The following KAZN variants were observed in gnomAD, a reference collection of about 807,000 sequenced individuals.
KAZN encodes kazrin, periplakin interacting protein.
KAZN carries 40 observed loss-of-function variants against 87.4 expected under a neutral mutation model. The observed-to-expected ratio is 0.46, with a 90% CI of 0.36 to 0.60. The LOEUF (loss-of-function observed/expected upper bound fraction) is 0.60, where lower values mean the gene tolerates loss of function less well. KAZN is among the 20% of genes least tolerant of loss of function. The pLI, the probability that KAZN is intolerant of heterozygous loss-of-function variation, is 0.00. For synonymous variants in KAZN, 466 were observed against 458.3 expected (o/e 1.02, Z -0.22); for missense variants, 898 against 1,073.9 (o/e 0.84, Z 2.29).
chr1:14,939,010 T>A (rs1038453741), intron 1 of KAZN, among the ~76,000 whole-genome samples: 1 of 152,254 alleles, frequency 6.6e-6, no homozygotes, highest in Non-Finnish European at 1.5e-5. Context: ...TCTCACTCAG[T>A]TGCCCAGGCT....
At chr1:14,396,784 C>T (rs1273547203) in intron 2 of KAZN, among the ~76,000 whole-genome samples, 1 of 152,194 alleles carries the variant, frequency 6.6e-6, no homozygotes, top group African/African-American at 2.4e-5. Context: ...TCAATTTAAG[C>T]CATGCAGCCT....
intron 2 of KAZN, among the ~76,000 whole-genome samples, chr1:14,980,550 C>T (rs1001829426): frequency 1.3e-5 from 2 of 152,150 alleles, no homozygotes; most frequent in Admixed American, 1.3e-4. Flanking sequence ...CCATCTGCAC[C>T]CCGACTCCTT....
chr1:14,127,631 A>AAGGATGTT (rs1644902986), intron 1 of KAZN, among the ~76,000 whole-genome samples: 1 of 151,970 alleles, frequency 6.6e-6, no homozygotes, highest in Non-Finnish European at 1.5e-5. Flanking sequence ...AACAGATAAC[A>AAGGATGTT]CTCTAAATAA....
intron 2 of KAZN, among the ~76,000 whole-genome samples, chr1:14,387,116 G>A (rs921665173): frequency 2.8e-4 from 43 of 152,010 alleles, no homozygotes; most frequent in African/African-American, 9.9e-4. Flanking sequence ...AGCTCCTGAG[G>A]CTTCTGCATT....
At chr1:14,794,391 A>G (rs1344310285) in intron 1 of KAZN, among the ~76,000 whole-genome samples, 1 of 152,182 alleles carries the variant, frequency 6.6e-6, no homozygotes, top group Non-Finnish European at 1.5e-5. Context: ...AACAGGCAAC[A>G]GATCTCTGGA....
At chr1:14,401,943 G>T (rs1663443952) in intron 2 of KAZN, among the ~76,000 whole-genome samples, 2 of 151,868 alleles carry the variant, frequency 1.3e-5, no homozygotes, top group Non-Finnish European at 1.5e-5. Flanking sequence ...GTTCAAAAGA[G>T]GTAAGAATGC....
intron 1 of KAZN, among the ~76,000 whole-genome samples, chr1:14,736,790 T>C (rs1179175276): frequency 1.3e-5 from 2 of 152,160 alleles, no homozygotes; most frequent in East Asian, 3.9e-4. Context: ...AAGTGCATTA[T>C]CCAGAATAGA....
chr1:13,951,614 TA>T (rs1393926134), intron 1 of KAZN, among the ~76,000 whole-genome samples: 1 of 143,790 alleles, frequency 7.0e-6, no homozygotes, highest in Non-Finnish European at 1.5e-5. Flanking sequence ...ATCTTAGCTC[TA>T]AAATGGAGAT....
intron 1 of KAZN, among the ~76,000 whole-genome samples, chr1:14,933,828 T>C (rs1157902904): frequency 1.3e-5 from 2 of 149,572 alleles, no homozygotes; most frequent in African/African-American, 5.0e-5. Flanking sequence ...TGTCTGTTTG[T>C]GTGGGATGTA....
At chr1:14,291,628 C>T (rs562271084) in intron 2 of KAZN, among the ~76,000 whole-genome samples, 1 of 152,132 alleles carries the variant, frequency 6.6e-6, no homozygotes, top group Admixed American at 6.5e-5. Flanking sequence ...ATCCCTTGAC[C>T]CCTTGCACTT....
intron 1 of KAZN, among the ~76,000 whole-genome samples, chr1:14,913,812 G>A (rs1032339313): frequency 4.7e-4 from 71 of 152,332 alleles, no homozygotes; most frequent in African/African-American, 1.5e-3. Flanking sequence ...GTAGACAGGC[G>A]GGCAGAGCCC....
intron 1 of KAZN, among the ~76,000 whole-genome samples, chr1:14,056,480 C>G (rs991637036): frequency 6.6e-6 from 1 of 152,198 alleles, no homozygotes; most frequent in African/African-American, 2.4e-5. Context: ...CAGAAGGGAC[C>G]CAGCCCTGCT....
At chr1:14,728,244 C>G (rs1013464930) in intron 1 of KAZN, among the ~76,000 whole-genome samples, 2 of 140,034 alleles carry the variant, frequency 1.4e-5, no homozygotes, top group African/African-American at 5.4e-5. Flanking sequence ...CGAGATTGTG[C>G]CACTGCACTC....
chr1:14,305,029 A>G (rs901709210), intron 2 of KAZN, among the ~76,000 whole-genome samples: 2 of 152,092 alleles, frequency 1.3e-5, no homozygotes, highest in South Asian at 2.1e-4. Flanking sequence ...TAATAATACA[A>G]CTTGTCTCCT....
At chr1:14,750,476 T>G (rs555344113) in intron 1 of KAZN, among the ~76,000 whole-genome samples, 8 of 152,292 alleles carry the variant, frequency 5.3e-5, no homozygotes, top group Non-Finnish European at 1.0e-4. Flanking sequence ...CAGGAAAATA[T>G]GCCTAGGAGT....
At chr1:14,514,576 T>TATGAAA (rs1557770326) in intron 2 of KAZN, among the ~76,000 whole-genome samples, 31 of 123,612 alleles carry the variant, frequency 2.5e-4, no homozygotes, top group African/African-American at 8.0e-4. Context: ...TCTATATATT[T>TATGAAA]TATATATTTT....
At chr1:14,010,314 C>G (rs1331158840) in intron 1 of KAZN, among the ~76,000 whole-genome samples, 2 of 152,210 alleles carry the variant, frequency 1.3e-5, no homozygotes, top group African/African-American at 4.8e-5. Flanking sequence ...TGTTGTGTTA[C>G]AAATGATACA....
intron 8 of KAZN, among the ~76,000 whole-genome samples, chr1:15,082,486 T>C (rs1460236697): frequency 1.3e-5 from 2 of 152,016 alleles, no homozygotes; most frequent in African/African-American, 2.4e-5. Context: ...AAATTTTAAA[T>C]AGTAAAAGAA....
chr1:14,405,757 G>A (rs1279903826), intron 2 of KAZN, among the ~76,000 whole-genome samples: 2 of 152,044 alleles, frequency 1.3e-5, no homozygotes, highest in Non-Finnish European at 2.9e-5. Flanking sequence ...ACCCCAGAAA[G>A]CCCATGGTGT....
Sources: allele counts gnomAD v4.1 joint callset (sites outside exome capture counted in the v4.1 genomes callset), GRCh38; gene constraint gnomAD v4.1.1; transcripts MANE v1.5; gene names NCBI Gene and HGNC (gene_info 2026-07-23, HGNC 2026-07-21).